The following ZMYND11 variants were observed in gnomAD, a reference collection of about 807,000 sequenced individuals.
The protein encoded by ZMYND11 is zinc finger MYND domain-containing protein 11.
A neutral mutation model predicts 84.9 loss-of-function variants in ZMYND11; 9 were observed. The ratio of observed to expected loss-of-function variants is 0.11; its 90% CI spans 0.06 to 0.18. The LOEUF is 0.18. ZMYND11 is among the 10% of genes least tolerant of loss of function. ZMYND11 has a pLI of 1.00. For synonymous variants in ZMYND11, 250 were observed against 244.1 expected, an observed-to-expected ratio of 1.02 and a Z score of -0.23; for missense variants, 409 against 761.0, an observed-to-expected ratio of 0.54 and a Z score of 5.44.
intron 10 of ZMYND11, among the ~76,000 whole-genome samples, chr10:243,652 T>G (rs1209929246): frequency 2.0e-5 from 3 of 152,132 alleles, no homozygotes; most frequent in Non-Finnish European, 4.4e-5. Flanking sequence ...GATCATGAGG[T>G]CAGGAGATCG....
At chr10:133,703 T>G (rs540739651), upstream of ZMYND11, among the ~76,000 whole-genome samples, 3 of 152,218 alleles carry the variant, frequency 2.0e-5, no homozygotes, top group South Asian at 6.2e-4. Flanking sequence ...CTCTTCATTG[T>G]TGGAATTCCT....
chr10:165,910 T>G (rs1441343912), intron 1 of ZMYND11, among the ~76,000 whole-genome samples: 1 of 152,128 alleles, frequency 6.6e-6, no homozygotes, highest in Non-Finnish European at 1.5e-5. Flanking sequence ...AATATAGATT[T>G]ATAGTCTAGT....
intron 3 of ZMYND11, among the ~76,000 whole-genome samples, chr10:214,003 A>C (rs911793640): frequency 4.6e-5 from 7 of 152,168 alleles, no homozygotes; most frequent in African/African-American, 1.7e-4. Context: ...TAAATAATCC[A>C]AGTGGAAGCC....
At chr10:180,680 G>A (rs531474259) in intron 2 of ZMYND11, among the ~76,000 whole-genome samples, 10 of 152,336 alleles carry the variant, frequency 6.6e-5, no homozygotes, top group Admixed American at 1.3e-4. Context: ...ATTTACAGGC[G>A]TGAGCCACTG....
chr10:240,677 A>G (rs566516048), intron 8 of ZMYND11, among the ~76,000 whole-genome samples: 6 of 152,192 alleles, frequency 3.9e-5, no homozygotes, highest in African/African-American at 7.2e-5. Flanking sequence ...TTCTGTTCCA[A>G]CTGTGGCCTG....
intron 2 of ZMYND11, among the ~76,000 whole-genome samples, chr10:207,337 C>A (rs934943627): frequency 6.6e-6 from 1 of 152,158 alleles, no homozygotes; most frequent in Non-Finnish European, 1.5e-5. Flanking sequence ...GATTTATAGT[C>A]CTTTGGGTAT....
chr10:239,705 A>G (rs184233696), intron 7 of ZMYND11, among the ~76,000 whole-genome samples, 180 bp downstream of exon 7: 2 of 152,380 alleles, frequency 1.3e-5, no homozygotes, highest in East Asian at 3.8e-4. Context: ...GGCCAAAAAC[A>G]AAATCATAGT....
At chr10:161,029 A>C (rs1034637436) in intron 1 of ZMYND11, among the ~76,000 whole-genome samples, 2 of 143,074 alleles carry the variant, frequency 1.4e-5, no homozygotes, top group Admixed American at 7.5e-5. Context: ...TGGCACAAAC[A>C]GGGCTGACTG....
At chr10:247,366 G>A in intron 11 of ZMYND11, 32 bp from the exon 12 acceptor site, 1 of 1,610,392 alleles carries the variant, frequency 6.2e-7, no homozygotes, top group Non-Finnish European at 8.5e-7. Flanking sequence ...TCTAGTGTCT[G>A]GAATAATATA....
chr10:180,155 C>G, intron 2 of ZMYND11, 27 bp downstream of exon 2: 1 of 1,574,800 alleles, frequency 6.4e-7, no homozygotes, highest in Non-Finnish European at 8.7e-7. Flanking sequence ...ACAAATATCT[C>G]TGTAAAATGT....
intron 1 of ZMYND11, among the ~76,000 whole-genome samples, chr10:166,980 A>G (rs1042512188): frequency 4.6e-5 from 7 of 152,330 alleles, no homozygotes; most frequent in Middle Eastern, 3.4e-3. Flanking sequence ...ACTAATTGAA[A>G]TAAGACAGAC....
intron 1 of ZMYND11, among the ~76,000 whole-genome samples, chr10:150,152 T>G (rs1839968913): frequency 6.6e-6 from 1 of 152,210 alleles, no homozygotes; most frequent in South Asian, 2.1e-4. Flanking sequence ...GGATTCCCTC[T>G]TTTTGTATTG....
chr10:239,380 C>T, intron 6 of ZMYND11, 58 bp from the exon 7 acceptor site: 1 of 1,411,722 alleles, frequency 7.1e-7, no homozygotes, highest in Non-Finnish European at 1.0e-6. Context: ...TGAACTTAGT[C>T]CAGACAAGTA....
intron 1 of ZMYND11, among the ~76,000 whole-genome samples, chr10:149,911 C>T (rs919644779): frequency 3.3e-5 from 5 of 151,432 alleles, no homozygotes; most frequent in Middle Eastern, 3.4e-3. Flanking sequence ...TGCTGGATTA[C>T]GTTTATTGAT....
At chr10:160,728 TC>T (rs1842761778) in intron 1 of ZMYND11, among the ~76,000 whole-genome samples, 1 of 152,264 alleles carries the variant, frequency 6.6e-6, no homozygotes, top group South Asian at 2.1e-4. Flanking sequence ...GAAACTACTT[TC>T]TTTGCTTATC....
intron 1 of ZMYND11, among the ~76,000 whole-genome samples, chr10:137,086 T>A (rs891206946): frequency 6.6e-6 from 1 of 152,146 alleles, no homozygotes; most frequent in Admixed American, 6.5e-5. Flanking sequence ...GCATATATGG[T>A]ACCCAATGTC....
At chr10:182,649 C>T (rs1229605169) in intron 2 of ZMYND11, among the ~76,000 whole-genome samples, 2 of 152,188 alleles carry the variant, frequency 1.3e-5, no homozygotes, top group Non-Finnish European at 2.9e-5. Flanking sequence ...TCCTTCATAA[C>T]ATTAATCACA....
intron 10 of ZMYND11, among the ~76,000 whole-genome samples, chr10:245,593 A>G (rs3131995): frequency 0.67 from 101,567 of 152,092 alleles, 34,134 homozygotes; most frequent in East Asian, 0.8. Flanking sequence ...TTACTCATGC[A>G]TCCATACAGT....
chr10:179,876 C>A, intron 1 of ZMYND11, 118 bp from the exon 2 acceptor site: 1 of 522,358 alleles, frequency 1.9e-6, no homozygotes, highest in Non-Finnish European at 3.4e-6. Flanking sequence ...AGAAAGTGGG[C>A]AATACTACAT....
Sources: allele counts gnomAD v4.1 joint callset (sites outside exome capture counted in the v4.1 genomes callset), GRCh38; gene constraint gnomAD v4.1.1; transcripts MANE v1.5; gene names NCBI Gene and HGNC (gene_info 2026-07-23, HGNC 2026-07-21).